Variants in GPHN observed in about 807,000 individuals in gnomAD.
GPHN encodes gephyrin.
In GPHN, 17 loss-of-function variants were observed where a neutral mutation model predicts 95.5. The observed-to-expected ratio is 0.18, with a 90% CI of 0.12 to 0.27. The LOEUF (loss-of-function observed/expected upper bound fraction) is 0.27, where lower values mean the gene tolerates loss of function less well. GPHN is among the 10% of genes least tolerant of loss of function. The pLI, the probability that GPHN is intolerant of heterozygous loss-of-function variation, is 1.00. For missense variants in GPHN, 660 were observed against 978.1 expected (o/e 0.67, Z 4.34); for synonymous variants, 320 against 322.5 (o/e 0.99, Z 0.08).
intron 12 of GPHN, among the ~76,000 whole-genome samples, chr14:67,094,552 A>G (rs1024837121): frequency 6.6e-6 from 1 of 152,134 alleles, no homozygotes; most frequent in African/African-American, 2.4e-5. Context: ...ACTGTGGTTT[A>G]CTTTCTTTTT....
chr14:66,642,623 T>C (rs2064487160), intron 1 of GPHN, among the ~76,000 whole-genome samples: 1 of 151,830 alleles, frequency 6.6e-6, no homozygotes, highest in South Asian at 2.1e-4. Flanking sequence ...TTCTGACTTG[T>C]AAATTGTGAA....
chr14:66,686,333 G>T (rs998409979), intron 2 of GPHN, among the ~76,000 whole-genome samples: 13 of 152,142 alleles, frequency 8.5e-5, no homozygotes, highest in African/African-American at 3.1e-4. Context: ...AAATTACCTT[G>T]GGCAGTATGG....
chr14:67,068,864 G>A (rs2076172385), intron 11 of GPHN, among the ~76,000 whole-genome samples: 1 of 152,220 alleles, frequency 6.6e-6, no homozygotes, highest in South Asian at 2.1e-4. Flanking sequence ...AGCTGCCTGA[G>A]CATAGGCAGT....
the GPHN span, among the ~76,000 whole-genome samples, chr14:67,675,135 A>G: frequency 6.6e-6 from 1 of 152,180 alleles, no homozygotes; most frequent in Non-Finnish European, 1.5e-5. Context: ...CCCTGGAAAG[A>G]TAGCCGGGCC....
At chr14:66,730,090 G>T (rs557738837) in intron 2 of GPHN, among the ~76,000 whole-genome samples, 1 of 152,328 alleles carries the variant, frequency 6.6e-6, no homozygotes, top group East Asian at 1.9e-4. Flanking sequence ...ATACTGTATT[G>T]TGGTAGTCAA....
the GPHN span, among the ~76,000 whole-genome samples, chr14:67,274,479 A>G: frequency 7.9e-5 from 12 of 151,978 alleles, no homozygotes; most frequent in Admixed American, 2.0e-4. Flanking sequence ...CCATTGGTCT[A>G]TATCTCTGTT....
At chr14:66,638,248 A>G (rs1242866809) in intron 1 of GPHN, among the ~76,000 whole-genome samples, 1 of 152,172 alleles carries the variant, frequency 6.6e-6, no homozygotes, top group African/African-American at 2.4e-5. Context: ...AGCCTGGCCA[A>G]CATAGTGGAA....
intron 1 of GPHN, among the ~76,000 whole-genome samples, chr14:66,509,871 G>T (rs1435378995): frequency 1.3e-5 from 2 of 152,022 alleles, no homozygotes; most frequent in South Asian, 2.1e-4. Context: ...TGAGACTGCC[G>T]GCAGATATTG....
chr14:67,030,713 G>A (rs2074151759), intron 10 of GPHN, among the ~76,000 whole-genome samples: 1 of 152,090 alleles, frequency 6.6e-6, no homozygotes, highest in African/African-American at 2.4e-5. Flanking sequence ...AGTATTTACA[G>A]TGTAGTGCTT....
chr14:66,741,788 C>A (rs1275811430), intron 2 of GPHN, among the ~76,000 whole-genome samples: 2 of 152,208 alleles, frequency 1.3e-5, no homozygotes, highest in Admixed American at 6.5e-5. Flanking sequence ...AATATCTCCT[C>A]ACCCTGGCAG....
chr14:66,750,258 G>C (rs2058317413), intron 2 of GPHN, among the ~76,000 whole-genome samples: 1 of 151,762 alleles, frequency 6.6e-6, no homozygotes, highest in East Asian at 1.9e-4. Context: ...TTTTGTGAAG[G>C]CTGTCAGGTC....
the GPHN span, among the ~76,000 whole-genome samples, chr14:67,590,394 A>G: frequency 1.3e-5 from 2 of 151,916 alleles, no homozygotes; most frequent in African/African-American, 2.4e-5. Flanking sequence ...CTGGGATTAC[A>G]GGTGCTCGCC....
At chr14:66,952,952 C>T (rs968511821) in intron 8 of GPHN, among the ~76,000 whole-genome samples, 1 of 151,758 alleles carries the variant, frequency 6.6e-6, no homozygotes, top group Non-Finnish European at 1.5e-5. Context: ...CCTCGGCCCC[C>T]TAAAGTGCTG....
the GPHN span, among the ~76,000 whole-genome samples, chr14:67,378,337 T>G: frequency 6.9e-6 from 1 of 144,046 alleles, no homozygotes; most frequent in Non-Finnish European, 1.5e-5. Context: ...TTTTTTTTTT[T>G]GGTATATCAC....
the GPHN span, among the ~76,000 whole-genome samples, chr14:67,359,311 A>G: frequency 1.1e-4 from 17 of 152,182 alleles, no homozygotes; most frequent in Admixed American, 1.1e-3. Flanking sequence ...TGAGCTCTGT[A>G]GGGCAGAGGT....
At chr14:66,785,240 C>T (rs2059732365) in intron 3 of GPHN, among the ~76,000 whole-genome samples, 1 of 152,178 alleles carries the variant, frequency 6.6e-6, no homozygotes, top group South Asian at 2.1e-4. Context: ...GTGGCACATG[C>T]CTGTAGTCCC....
intron 1 of GPHN, among the ~76,000 whole-genome samples, chr14:66,593,222 A>G (rs1031072932): frequency 3.3e-5 from 5 of 152,040 alleles, no homozygotes; most frequent in Non-Finnish European, 7.4e-5. Flanking sequence ...GGGTGCAGCA[A>G]ACCACCATAG....
At chr14:67,675,733 A>T in the GPHN span, among the ~76,000 whole-genome samples, 4 of 152,132 alleles carry the variant, frequency 2.6e-5, no homozygotes, top group African/African-American at 9.7e-5. Flanking sequence ...TGGCTTCATT[A>T]GGTCTCATCT....
the GPHN span, among the ~76,000 whole-genome samples, chr14:67,583,071 A>G: frequency 6.6e-6 from 1 of 152,192 alleles, no homozygotes; most frequent in Non-Finnish European, 1.5e-5. Context: ...CATGACTCCC[A>G]TAAGAGAGTC....
Sources: allele counts gnomAD v4.1 joint callset (sites outside exome capture counted in the v4.1 genomes callset), GRCh38; gene constraint gnomAD v4.1.1; transcripts MANE v1.5; gene names NCBI Gene and HGNC (gene_info 2026-07-23, HGNC 2026-07-21).